Variants in ACSM2B observed in about 807,000 individuals in gnomAD.
ACSM2B encodes acyl-CoA synthetase medium chain family member 2B, also known as acyl-coenzyme A synthetase ACSM2B, mitochondrial.
Under a neutral mutation model 78.6 loss-of-function variants are expected in ACSM2B, and 58 were observed. The ratio of observed to expected loss-of-function variants is 0.74; its 90% CI spans 0.60 to 0.92. The LOEUF is 0.92. Among genes scored for constraint, ACSM2B ranks in the 40% least tolerant of loss-of-function variants. The probability of loss-of-function intolerance (pLI) is 0.00; values close to 1 mark genes in which losing one functional copy is unlikely to be tolerated. For missense variants in ACSM2B, 688 were observed against 711.2 expected, an observed-to-expected ratio of 0.97 and a Z score of 0.37; for synonymous variants, 257 against 256.8, an observed-to-expected ratio of 1.00 and a Z score of -0.01.
chr16:20,543,832 G>A (rs1361953257), intron 10 of ACSM2B, among the ~76,000 whole-genome samples: 1 of 152,126 alleles, frequency 6.6e-6, no homozygotes, highest in Non-Finnish European at 1.5e-5. Context: ...ATAGGGGCAT[G>A]GGCTCCAGAC....
chr16:20,569,279 T>C (rs1158531591), intron 1 of ACSM2B, among the ~76,000 whole-genome samples: 1 of 152,074 alleles, frequency 6.6e-6, no homozygotes, highest in Non-Finnish European at 1.5e-5. Flanking sequence ...TTCTCCTACA[T>C]GTGGCTTGCC....
intron 9 of ACSM2B, among the ~76,000 whole-genome samples, chr16:20,545,893 G>C (rs1285080051): frequency 6.6e-6 from 1 of 152,078 alleles, no homozygotes; most frequent in Non-Finnish European, 1.5e-5. Context: ...TAAAACTTTA[G>C]CTACTACACA....
At chr16:20,566,173 G>A (rs111928576) in intron 1 of ACSM2B, among the ~76,000 whole-genome samples, 1,630 of 133,364 alleles carry the variant, frequency 0.012, 38 homozygotes, top group South Asian at 0.07. Context: ...TGTAATAAAC[G>A]TCACACTCCT....
At position 20,546,426 on chromosome 16, in the gene ACSM2B, T is replaced by C. The variant is rs972695095; in HGVS notation, c.1147A>G (p.Met383Val). The C allele has an allele frequency of 1.2e-6, 2 of 1,609,646 alleles. No individual in the cohort carries two copies. Among genetic ancestry groups the C allele is most frequent in the African/African-American group, 2.7e-5 (2 of 74,760 alleles). Residue 383 changes from methionine to valine, a missense_variant, in exon 9 of 14, where the codon ATG becomes GTG. Coordinates refer to ENST00000329697, the MANE Select transcript of ACSM2B (RefSeq NM_001105069.2). The part of the protein sequence containing the change: ...SKTMKIKPGY[M>V]GTAASCYDVQ... ...TCATAACAGGAAGCAGCCGTTCCCA[T>C]GTATCCTGGTTTGATTTTCATTGTC...
At position 20,553,913 on chromosome 16, in the gene ACSM2B, A is replaced by G; in HGVS notation, c.604T>C (p.Ser202Pro). ...LNFKKLLNEA[S>P]TTHHCVETGS... The stretch of plus-strand genomic sequence containing the variant: ...GTCTCCACACAGTGATGAGTGGTGG[A>G]TGCCTCACTGACAAAGACACAGATT... Residue 202 changes from serine (S) to proline (P), a missense_variant, in exon 5 of 14, where the codon TCC becomes CCC. Physicochemically the swap from Ser to Pro is moderately conservative, Grantham distance 74. Coordinates refer to ENST00000329697, the MANE Select transcript of ACSM2B (RefSeq NM_001105069.2). The G allele has an allele frequency of 6.2e-7, 1 of 1,613,722 alleles. No homozygotes were observed. Among genetic ancestry groups the G allele is most frequent in the South Asian group, 1.1e-5 (1 of 91,048 alleles).
At chr16:20,560,116 A>C (rs1219850443) in intron 2 of ACSM2B, among the ~76,000 whole-genome samples, 1 of 150,910 alleles carries the variant, frequency 6.6e-6, no homozygotes, top group African/African-American at 2.5e-5. Flanking sequence ...CATCTCCCGA[A>C]GTTTTTCATC....
intron 9 of ACSM2B, 59 bp downstream of exon 9, chr16:20,546,335 A>G: frequency 2.6e-6 from 4 of 1,559,612 alleles, no homozygotes; most frequent in Non-Finnish European, 3.5e-6. Context: ...TGGAAAACAT[A>G]AATTACTGAA....
Position 20,566,725 on chromosome 16 carries a change from C to G in ACSM2B, c.-8-1872G>C, listed in dbSNP as rs11306883. 8.1e-4 allele frequency among the ~76,000 whole-genome samples: 18 copies of G among 22,200 alleles called. 1 individual carries two copies. The highest frequency in any genetic ancestry group is 3.9e-3 in the South Asian group (2 of 516). 14.6% of individuals were successfully genotyped at this position (22,200 alleles called of 152,430 possible). On this transcript the variant is annotated intron_variant, in intron 1 of 13. Coordinates refer to ENST00000329697, the MANE Select transcript of ACSM2B (RefSeq NM_001105069.2). The stretch of plus-strand genomic sequence containing the variant: ...ATATATATAGTATATATAGTATATA[C>G]TATATATAGTATATACTATATATAC...
chr16:20,566,659 TGTATATATA>T (rs2015865016), intron 1 of ACSM2B, among the ~76,000 whole-genome samples: 2 of 4,862 alleles, frequency 4.1e-4, no homozygotes, highest in African/African-American at 1.2e-3. Flanking sequence ...ACTATATATA[TGTATATATA>T]GTATATACAT....
Position 20,551,585 on chromosome 16 carries a change from T to C in ACSM2B, c.894+559A>G, listed in dbSNP as rs1220891765. On this transcript the variant is annotated intron_variant, in intron 6 of 13. Coordinates refer to ENST00000329697, the MANE Select transcript of ACSM2B (RefSeq NM_001105069.2). ...CCTCCAGAGCTATGAGAAGTAAATG[T>C]CTGTTATTTAAGCCACCTAGACTAT... Among the ~76,000 whole-genome samples, 4 of 152,086 alleles carry C rather than the reference T, an allele frequency of 2.6e-5. No individual in the cohort carries two copies. The East Asian group carries it at 7.7e-4, about 29-fold the overall frequency.
At position 20,544,761 on chromosome 16, in the gene ACSM2B, C is replaced by T. The variant is rs577411655; in HGVS notation, c.1281+396G>A. The T allele has an allele frequency of 2.9e-3, 2,825 of 984,980 alleles. 90 individuals carry two copies. In the African/African-American group the frequency reaches 0.047, roughly 17 times the overall value. 61.0% of individuals were successfully genotyped at this position (984,980 alleles called of 1,614,324 possible). Reference sequence around the variant, plus strand: ...TTCCTCCAACTAGATGGTGAAGTCTCAACGTAAAGTGCCTGGCATGGCTCT... The same window carrying T: ...TTCCTCCAACTAGATGGTGAAGTCTTAACGTAAAGTGCCTGGCATGGCTCT... On this transcript the variant is annotated intron_variant, in intron 10 of 13. Coordinates refer to ENST00000329697, the MANE Select transcript of ACSM2B (RefSeq NM_001105069.2).
intron 3 of ACSM2B, among the ~76,000 whole-genome samples, chr16:20,555,937 G>T (rs1199941247): frequency 6.6e-6 from 1 of 152,124 alleles, no homozygotes; most frequent in East Asian, 1.9e-4. Flanking sequence ...ATTTTTCTTA[G>T]ATGAGAGTGC....
intron 13 of ACSM2B, among the ~76,000 whole-genome samples, chr16:20,538,789 C>T (rs111505979): frequency 5.3e-5 from 8 of 152,224 alleles, no homozygotes; most frequent in East Asian, 3.9e-4. Context: ...CAGAGGTTAT[C>T]GAGTAAGTGG....
intron 8 of ACSM2B, 166 bp from the exon 9 acceptor site, chr16:20,546,640 A>G: frequency 7.8e-7 from 1 of 1,279,356 alleles, no homozygotes; most frequent in Non-Finnish European, 1.0e-6. Flanking sequence ...TACTGGAATC[A>G]CAATCCTAGG....
At chr16:20,544,777 G>C (rs1409151332) in intron 10 of ACSM2B, 7 of 989,412 alleles carry the variant, frequency 7.1e-6, no homozygotes, top group Non-Finnish European at 7.2e-6. Flanking sequence ...AAAGTGCCTG[G>C]CATGGCTCTA....
rs554694059 is a variant in ACSM2B, at chr16:20,559,284, G to A, written c.341C>T (p.Pro114Leu). 7 of 1,613,628 alleles carry A rather than the reference G, an allele frequency of 4.3e-6. No individual in the cohort carries two copies. The South Asian group carries it at 5.5e-5, about 13-fold the overall frequency. Reference sequence around the variant, plus strand: ...CACCAGCCACCACTCAGGCACTCGGGGCAGCATCACTGCCACACGATCCCC... The same window carrying A: ...CACCAGCCACCACTCAGGCACTCGGAGCAGCATCACTGCCACACGATCCCC... ...QRGDRVAVML[P>L]RVPEWWLVIL... The change falls in exon 3 of 14, where the codon CCC becomes CTC. Residue 114 changes from proline (P) to leucine (L), a missense_variant. By Grantham distance (98) the Pro-to-Leu change is moderately conservative. Transcript: ENST00000329697.
intron 12 of ACSM2B, chr16:20,541,226 C>G (rs1431739572): frequency 6.1e-6 from 1 of 163,676 alleles, no homozygotes; most frequent in Admixed American, 5.6e-5. Flanking sequence ...ACAGGGTTTT[C>G]TCAGCAGGGG....
chr16:20,542,454 A>T (rs1305062094), intron 12 of ACSM2B: 12 of 155,618 alleles, frequency 7.7e-5, no homozygotes, highest in Admixed American at 7.6e-4. Flanking sequence ...TTAATGCCAA[A>T]TAGTATTCCA....
intron 12 of ACSM2B, chr16:20,541,792 C>T (rs2152131673): frequency 6.6e-6 from 1 of 150,920 alleles, no homozygotes; most frequent in Non-Finnish European, 1.5e-5. Context: ...ATGTGATTCT[C>T]CTGCCGCAGC....
Sources: allele counts gnomAD v4.1 joint callset (sites outside exome capture counted in the v4.1 genomes callset), GRCh38; gene constraint gnomAD v4.1.1; transcripts MANE v1.5; gene names NCBI Gene and HGNC (gene_info 2026-07-23, HGNC 2026-07-21).